The following LINGO2 variants were observed in gnomAD, a reference collection of about 807,000 sequenced individuals.
LINGO2 encodes the protein leucine rich repeat and Ig domain containing 2.
LINGO2 carries 14 observed loss-of-function variants against 30.6 expected under a neutral mutation model. That is an observed-to-expected ratio of 0.46 (90% confidence interval 0.30 to 0.72). LINGO2 has a LOEUF of 0.72. Ranked by LOEUF, LINGO2 falls within the 30% of genes least tolerant of loss-of-function variation. The pLI, the probability that LINGO2 is intolerant of heterozygous loss-of-function variation, is 0.07. For synonymous variants in LINGO2, 317 were observed against 288.5 expected, an observed-to-expected ratio of 1.10 and a Z score of -1.00; for missense variants, 729 against 751.7, an observed-to-expected ratio of 0.97 and a Z score of 0.35.
the LINGO2 span, among the ~76,000 whole-genome samples, chr9:28,730,451 A>T: frequency 9.8e-4 from 149 of 152,344 alleles, no homozygotes; most frequent in African/African-American, 3.4e-3. Context: ...CAAAATTTAA[A>T]ACTGTTAACT....
At chr9:28,712,853 T>A in the LINGO2 span, among the ~76,000 whole-genome samples, 1 of 152,186 alleles carries the variant, frequency 6.6e-6, no homozygotes, top group South Asian at 2.1e-4. Flanking sequence ...ATTCCTAATT[T>A]TTTTTAAATT....
the LINGO2 span, among the ~76,000 whole-genome samples, chr9:28,810,444 G>T: frequency 3.3e-5 from 5 of 152,060 alleles, no homozygotes; most frequent in African/African-American, 1.2e-4. Context: ...TTTACAGCAG[G>T]GATTGTAAGG....
At chr9:29,004,546 G>C in the LINGO2 span, among the ~76,000 whole-genome samples, 8 of 151,902 alleles carry the variant, frequency 5.3e-5, no homozygotes, top group Non-Finnish European at 1.2e-4. Context: ...TACTCTGTCA[G>C]ATAGGCACAA....
At chr9:28,463,993 T>C (rs1825192345) in intron 2 of LINGO2, among the ~76,000 whole-genome samples, 1 of 152,102 alleles carries the variant, frequency 6.6e-6, no homozygotes, top group Admixed American at 6.5e-5. Flanking sequence ...AATCCATAAG[T>C]TATAGAGAAT....
intron 4 of LINGO2, among the ~76,000 whole-genome samples, chr9:28,144,097 G>T (rs1296469460): frequency 6.6e-6 from 1 of 152,056 alleles, no homozygotes; most frequent in East Asian, 1.9e-4. Context: ...TGGTTGAACA[G>T]ACAGAAAAAT....
At chr9:28,703,608 T>A in the LINGO2 span, among the ~76,000 whole-genome samples, 1 of 151,878 alleles carries the variant, frequency 6.6e-6, no homozygotes, top group Non-Finnish European at 1.5e-5. Context: ...CAATTACAAG[T>A]GATTAATTAA....
At chr9:28,193,100 A>G (rs2133783465) in intron 4 of LINGO2, among the ~76,000 whole-genome samples, 1 of 152,300 alleles carries the variant, frequency 6.6e-6, no homozygotes, top group South Asian at 2.1e-4. Context: ...GATAGATTAC[A>G]CTGATGTTCT....
At chr9:28,568,557 T>C (rs1388792048) in intron 1 of LINGO2, among the ~76,000 whole-genome samples, 1 of 151,890 alleles carries the variant, frequency 6.6e-6, no homozygotes, top group Non-Finnish European at 1.5e-5. Context: ...AATGAAATTG[T>C]CAAAAATCAA....
intron 4 of LINGO2, among the ~76,000 whole-genome samples, chr9:28,212,907 T>C (rs1207658930): frequency 6.6e-6 from 1 of 151,490 alleles, no homozygotes; most frequent in African/African-American, 2.4e-5. Context: ...AATTTGTCTA[T>C]AACAAATCCT....
the LINGO2 span, among the ~76,000 whole-genome samples, chr9:28,818,169 C>T: frequency 1.3e-5 from 2 of 152,094 alleles, no homozygotes; most frequent in African/African-American, 4.8e-5. Context: ...TCATTCTGTC[C>T]ATCATACATG....
the LINGO2 span, among the ~76,000 whole-genome samples, chr9:29,006,349 A>G: frequency 6.6e-6 from 1 of 151,976 alleles, no homozygotes; most frequent in South Asian, 2.1e-4. Context: ...ATCAATATAC[A>G]TAAATTCTTG....
At chr9:29,190,986 A>G in the LINGO2 span, among the ~76,000 whole-genome samples, 1 of 152,192 alleles carries the variant, frequency 6.6e-6, no homozygotes, top group Non-Finnish European at 1.5e-5. Context: ...AGTCTGGCTA[A>G]TATTTATTGA....
chr9:28,297,398 G>T (rs1442098125), intron 3 of LINGO2, among the ~76,000 whole-genome samples: 1 of 151,948 alleles, frequency 6.6e-6, no homozygotes, highest in Non-Finnish European at 1.5e-5. Context: ...TTTTATTTGA[G>T]CACCTCTGTT....
At chr9:28,737,508 T>C in the LINGO2 span, among the ~76,000 whole-genome samples, 1 of 152,196 alleles carries the variant, frequency 6.6e-6, no homozygotes. Context: ...ATTTTACAGA[T>C]GAAGAAATTG....
chr9:28,320,509 T>C (rs141523308), intron 3 of LINGO2, among the ~76,000 whole-genome samples: 4 of 152,256 alleles, frequency 2.6e-5, no homozygotes, highest in African/African-American at 9.6e-5. Flanking sequence ...TCTGGAGAAA[T>C]AGTTATATGG....
chr9:28,016,178 G>A lies in LINGO2; in HGVS notation c.-86-3773C>T, dbSNP rs142712234. 2.6e-5 allele frequency among the ~76,000 whole-genome samples: 4 copies of A among 151,962 alleles called. No individual in the cohort carries two copies. The East Asian group carries it at 5.8e-4, about 22-fold the overall frequency. On this transcript the variant is annotated intron_variant, in intron 4 of 5. Coordinates refer to ENST00000379992, the Ensembl canonical transcript of LINGO2. ...CAGCTAATATCCAAGAATAATCTCA[G>A]GGTAATTGCTTTAGGTTCCAAATGG...
intron 2 of LINGO2, among the ~76,000 whole-genome samples, chr9:28,472,055 T>G (rs1034975999): frequency 6.6e-5 from 10 of 152,188 alleles, no homozygotes; most frequent in African/African-American, 1.9e-4. Context: ...GATTGGAATT[T>G]GTGACTTGGA....
At chr9:29,002,871 G>C in the LINGO2 span, among the ~76,000 whole-genome samples, 1 of 151,844 alleles carries the variant, frequency 6.6e-6, no homozygotes, top group Non-Finnish European at 1.5e-5. Context: ...CAAAAAGATA[G>C]GTCCAAATCC....
At chr9:29,118,397 A>G in the LINGO2 span, among the ~76,000 whole-genome samples, 1 of 152,208 alleles carries the variant, frequency 6.6e-6, no homozygotes, top group African/African-American at 2.4e-5. Context: ...TATTTTCTGA[A>G]TCAAGAATCT....
Sources: allele counts gnomAD v4.1 joint callset (sites outside exome capture counted in the v4.1 genomes callset), GRCh38; gene constraint gnomAD v4.1.1; transcripts MANE v1.5; gene names NCBI Gene and HGNC (gene_info 2026-07-23, HGNC 2026-07-21).